The following KIF26B variants were observed in gnomAD, a reference collection of about 807,000 sequenced individuals.
KIF26B encodes kinesin-like protein KIF26B.
Under a neutral mutation model 151.2 loss-of-function variants are expected in KIF26B, and 63 were observed. The observed-to-expected ratio is 0.42, with a 90% CI of 0.34 to 0.51. The LOEUF (loss-of-function observed/expected upper bound fraction) is 0.51, where lower values mean the gene tolerates loss of function less well. KIF26B is among the 20% of genes least tolerant of loss of function. The pLI, the probability that KIF26B is intolerant of heterozygous loss-of-function variation, is 0.07. For synonymous variants in KIF26B, 1,357 were observed against 1,262.1 expected (o/e 1.08, Z -1.59); for missense variants, 2,813 against 2,913.6 (o/e 0.97, Z 0.79).
At chr1:245,544,900 C>G (rs903712172) in intron 5 of KIF26B, among the ~76,000 whole-genome samples, 6 of 152,194 alleles carry the variant, frequency 3.9e-5, no homozygotes, top group African/African-American at 1.4e-4. Context: ...CAGCAACAAT[C>G]CCACTCCCCA....
intron 5 of KIF26B, among the ~76,000 whole-genome samples, chr1:245,580,981 G>C (rs575246240): frequency 5.3e-5 from 8 of 152,224 alleles, no homozygotes; most frequent in Non-Finnish European, 7.3e-5. Flanking sequence ...CCGAGACAAG[G>C]GTTTTGTCCT....
In KIF26B at chr1:245,448,374, A is replaced by AT. The variant is rs1302727221; in HGVS notation, c.1166+28636dup. Among the ~76,000 whole-genome samples, 25 of 152,072 alleles carry AT rather than the reference A, an allele frequency of 1.6e-4. No individual in the cohort carries two copies. The East Asian group carries it at 2.3e-3, about 14-fold the overall frequency. ...AGGTGCACACCACCACACCTGGCTG[A>AT]TTTTTTTATTTTTTTGGTAGAGATG... is the stretch of plus-strand genomic sequence containing the variant. On this transcript the variant is annotated intron_variant, in intron 4 of 14. Coordinates refer to ENST00000407071, the MANE Select transcript of KIF26B (RefSeq NM_018012.4).
chr1:245,494,024 C>A (rs746588667), intron 4 of KIF26B, among the ~76,000 whole-genome samples: 2 of 151,966 alleles, frequency 1.3e-5, no homozygotes, highest in African/African-American at 4.8e-5. Context: ...AATCACATGG[C>A]GGGGTGCGGT....
At chr1:245,643,800 G>C (rs1294896644) in intron 9 of KIF26B, among the ~76,000 whole-genome samples, 1 of 152,068 alleles carries the variant, frequency 6.6e-6, no homozygotes, top group Non-Finnish European at 1.5e-5. Flanking sequence ...ACAGTTTTTA[G>C]TACTTTAAAA....
chr1:245,164,933 C>A (rs187015507), intron 2 of KIF26B, among the ~76,000 whole-genome samples: 1 of 152,006 alleles, frequency 6.6e-6, no homozygotes, highest in Admixed American at 6.5e-5. Context: ...ATTAGCCGGG[C>A]GTGGTGGCCC....
At chr1:245,176,199 A>C (rs980437244) in intron 2 of KIF26B, among the ~76,000 whole-genome samples, 15 of 152,010 alleles carry the variant, frequency 9.9e-5, no homozygotes, top group Non-Finnish European at 1.9e-4. Context: ...GGGTTTCTCC[A>C]TGTTGGTCAG....
chr1:245,441,545 G>C (rs1357021080), intron 4 of KIF26B, among the ~76,000 whole-genome samples: 3 of 152,010 alleles, frequency 2.0e-5, no homozygotes, highest in African/African-American at 7.3e-5. Flanking sequence ...GCCGGCTCCT[G>C]GGAGGGGAGG....
intron 2 of KIF26B, among the ~76,000 whole-genome samples, chr1:245,212,430 T>C (rs982245362): frequency 6.6e-6 from 1 of 152,152 alleles, no homozygotes; most frequent in African/African-American, 2.4e-5. Context: ...CAGCTCTTGC[T>C]CCATTCTCAG....
chr1:245,680,206 G>C (rs1157251250), intron 10 of KIF26B, among the ~76,000 whole-genome samples: 2 of 151,956 alleles, frequency 1.3e-5, no homozygotes, highest in Admixed American at 1.3e-4. Context: ...TCCCTTACTT[G>C]GTTGTCTTTA....
intron 3 of KIF26B, among the ~76,000 whole-genome samples, chr1:245,405,125 G>A (rs775916059): frequency 2.1e-4 from 32 of 152,172 alleles, no homozygotes; most frequent in Admixed American, 3.3e-4. Context: ...GTCTGGTGAC[G>A]AGATTAGGAT....
chr1:245,490,084 C>T (rs531370666), intron 4 of KIF26B, among the ~76,000 whole-genome samples: 27 of 152,106 alleles, frequency 1.8e-4, no homozygotes, highest in Non-Finnish European at 3.8e-4. Flanking sequence ...TTGTTCGACT[C>T]CTCAGAGCAG....
chr1:245,355,169 C>T (rs1672663306), intron 2 of KIF26B, among the ~76,000 whole-genome samples: 1 of 152,102 alleles, frequency 6.6e-6, no homozygotes, highest in African/African-American at 2.4e-5. Flanking sequence ...AGGTGGTCCG[C>T]CCATCTCGGC....
chr1:245,249,442 C>T lies in KIF26B; in HGVS notation c.465+92759C>T, dbSNP rs369983852. 3.3e-5 allele frequency among the ~76,000 whole-genome samples: 5 copies of T among 150,540 alleles called. No homozygotes were observed. The East Asian group carries it at 7.8e-4, about 23-fold the overall frequency. ...GCCAAACAGAATTCCTGTTTCACAA[C>T]AATTGACATTGTGTCGGCTCCCTTG... is the stretch of plus-strand genomic sequence containing the variant. On this transcript the variant is annotated intron_variant, in intron 2 of 14. Coordinates refer to ENST00000407071, the MANE Select transcript of KIF26B (RefSeq NM_018012.4).
chr1:245,195,870 C>T (rs892500405), intron 2 of KIF26B, among the ~76,000 whole-genome samples: 5 of 152,100 alleles, frequency 3.3e-5, no homozygotes, highest in African/African-American at 1.2e-4. Flanking sequence ...TTGAGGCGAC[C>T]GGCAATCATT....
chr1:245,351,601 A>C (rs1478836717), intron 2 of KIF26B, among the ~76,000 whole-genome samples: 1 of 152,254 alleles, frequency 6.6e-6, no homozygotes, highest in Non-Finnish European at 1.5e-5. Context: ...CATCAGCAGC[A>C]GGGGATAAGT....
At chr1:245,312,181 C>T (rs1671678093) in intron 2 of KIF26B, among the ~76,000 whole-genome samples, 2 of 152,052 alleles carry the variant, frequency 1.3e-5, no homozygotes, top group South Asian at 2.1e-4. Context: ...GCTTGTGCCA[C>T]CTCCCTTCCC....
chr1:245,198,396 G>T (rs540565385), intron 2 of KIF26B, among the ~76,000 whole-genome samples: 1 of 152,314 alleles, frequency 6.6e-6, no homozygotes, highest in Admixed American at 6.5e-5. Flanking sequence ...AATAAATAAA[G>T]ATGTAAAGTG....
In KIF26B at chr1:245,679,039, T is replaced by G. The variant is rs1258540491; in HGVS notation, c.2259-5194T>G. 1.2e-4 allele frequency among the ~76,000 whole-genome samples: 18 copies of G among 152,066 alleles called. 1 individual carries two copies. Among genetic ancestry groups the G allele is most frequent in the Admixed American group, 1.2e-3 (18 of 15,272 alleles). On this transcript the variant is annotated intron_variant, in intron 10 of 14. Coordinates refer to ENST00000407071, the MANE Select transcript of KIF26B (RefSeq NM_018012.4). The stretch of plus-strand genomic sequence containing the variant: ...GCATTCTCTGCTTGGTGGTTCAGTG[T>G]CTGGGATGATACTGTTTCCCGGTTA...
At chr1:245,620,251 TAAC>T (rs1420613418) in intron 9 of KIF26B, among the ~76,000 whole-genome samples, 1 of 152,224 alleles carries the variant, frequency 6.6e-6, no homozygotes, top group Admixed American at 6.5e-5. Flanking sequence ...ACATTCGTAT[TAAC>T]AGTTCAGTTT....
Sources: gnomAD v4.1 joint callset for allele counts (sites outside exome capture counted in the v4.1 genomes callset) on GRCh38, gnomAD v4.1.1 for gene constraint, MANE v1.5 for transcripts, NCBI Gene and HGNC (gene_info 2026-07-23, HGNC 2026-07-21) for gene names.